The following HYAL4 variants were observed in gnomAD, a reference collection of about 807,000 sequenced individuals.
The protein encoded by HYAL4 is hyaluronidase-4.
Under a neutral mutation model 35.2 loss-of-function variants are expected in HYAL4, and 37 were observed. That is an observed-to-expected ratio of 1.05 (90% CI 0.81 to 1.38). The LOEUF (loss-of-function observed/expected upper bound fraction) is 1.38. HYAL4 is among the 40% of genes most tolerant of loss of function. HYAL4 has a pLI of 0.00. For synonymous variants in HYAL4, 198 were observed against 203.2 expected, an observed-to-expected ratio of 0.97 and a Z score of 0.22; for missense variants, 572 against 572.4, an observed-to-expected ratio of 1.00 and a Z score of 0.01.
the HYAL4 span, among the ~76,000 whole-genome samples, chr7:123,778,531 C>T: frequency 6.6e-6 from 1 of 151,256 alleles, no homozygotes; most frequent in Non-Finnish European, 1.5e-5. Context: ...GCGTGGGCCT[C>T]TTAAATTTAA....
intron 4 of HYAL4, among the ~76,000 whole-genome samples, chr7:123,875,098 T>C (rs890196464): frequency 2.6e-5 from 4 of 152,170 alleles, no homozygotes; most frequent in African/African-American, 9.7e-5. Context: ...TCGGATTTGC[T>C]CACTTACTGG....
intron 1 of HYAL4, among the ~76,000 whole-genome samples, chr7:123,835,745 T>G (rs1427435688): frequency 6.6e-6 from 1 of 152,204 alleles, no homozygotes; most frequent in Non-Finnish European, 1.5e-5. Flanking sequence ...GCACTGCCTT[T>G]GCTGTATCCC....
chr7:123,803,176 C>T, the HYAL4 span, among the ~76,000 whole-genome samples: 1 of 152,182 alleles, frequency 6.6e-6, no homozygotes, highest in Non-Finnish European at 1.5e-5. Context: ...CTAGTCCTAG[C>T]TACTTGGAGG....
At chr7:123,773,974 G>C in the HYAL4 span, among the ~76,000 whole-genome samples, 2 of 152,022 alleles carry the variant, frequency 1.3e-5, no homozygotes. Flanking sequence ...GGGGGTCAAG[G>C]GTGAGTGAGA....
At position 123,877,236 on chromosome 7, in the gene HYAL4, C is replaced by G; in HGVS notation, c.*81C>G. On this transcript the variant is annotated 3_prime_UTR_variant, in exon 5 of 5. Transcript: ENST00000223026. Reference sequence around the variant, plus strand: ...ATGTAACTTATAACATTTTTTTTCTCTTATGAATTCTATTGAGAGATATTA... The same window carrying G: ...ATGTAACTTATAACATTTTTTTTCTGTTATGAATTCTATTGAGAGATATTA... 1 of 1,315,692 alleles carries G rather than the reference C, an allele frequency of 7.6e-7. No homozygotes were observed. The highest frequency in any genetic ancestry group is 1.0e-6 in the Non-Finnish European group (1 of 954,500). 81.5% of individuals were successfully genotyped at this position (1,315,692 alleles called of 1,614,324 possible). A position where few individuals can be genotyped will look rare whatever the true frequency, so the allele number is the denominator to read the frequency against.
In HYAL4 at chr7:123,869,234, A is replaced by G; in HGVS notation, c.954+7A>G. The G allele has an allele frequency of 1.3e-6, 2 of 1,556,830 alleles. No homozygotes were observed. Among genetic ancestry groups the G allele is most frequent in the Non-Finnish European group, 8.7e-7 (1 of 1,144,812 alleles). The stretch of plus-strand genomic sequence containing the variant: ...TTTATTTTTCCTTTCTAAGGTAAGA[A>G]GCTTCTTGTCCAATGGTGGGGGATT... On this transcript the variant is annotated splice_region_variant and intron_variant, in intron 3 of 4. Transcript: ENST00000223026.
Position 123,877,275 on chromosome 7 carries a change from T to C in HYAL4, c.*120T>C, listed in dbSNP as rs1584931041. On this transcript the variant is annotated 3_prime_UTR_variant, in exon 5 of 5. Coordinates refer to ENST00000223026, the MANE Select transcript of HYAL4 (RefSeq NM_012269.3). Reference sequence around the variant, plus strand: ...TGAGAGATATTATAAGTAGACATTATGTATGTCACTTAACATAAACAGAAA... The same window carrying C: ...TGAGAGATATTATAAGTAGACATTACGTATGTCACTTAACATAAACAGAAA... The C allele has an allele frequency of 9.3e-6, 9 of 967,022 alleles. 1 individual carries two copies. The East Asian group carries it at 2.0e-4, about 22-fold the overall frequency. 59.9% of individuals were successfully genotyped at this position (967,022 alleles called of 1,614,324 possible).
chr7:123,848,479 T>G (rs1395861327), intron 2 of HYAL4, among the ~76,000 whole-genome samples: 1 of 152,242 alleles, frequency 6.6e-6, no homozygotes, highest in Non-Finnish European at 1.5e-5. Context: ...GCACATAGTT[T>G]CTGTGATTGC....
chr7:123,858,414 G>A (rs1806505364), intron 2 of HYAL4, among the ~76,000 whole-genome samples: 1 of 152,060 alleles, frequency 6.6e-6, no homozygotes, highest in Admixed American at 6.6e-5. Flanking sequence ...ACAAACTCAG[G>A]CATGACTTAA....
At chr7:123,771,380 G>T in the HYAL4 span, among the ~76,000 whole-genome samples, 1 of 152,034 alleles carries the variant, frequency 6.6e-6, no homozygotes, top group African/African-American at 2.4e-5. Context: ...TAGTACTAAT[G>T]ATATTTCAGA....
chr7:123,783,202 C>T, the HYAL4 span, among the ~76,000 whole-genome samples: 2 of 152,058 alleles, frequency 1.3e-5, no homozygotes, highest in African/African-American at 4.8e-5. Flanking sequence ...CACATCAAGC[C>T]CTGGGCTAGT....
the HYAL4 span, among the ~76,000 whole-genome samples, chr7:123,804,056 T>G: frequency 1.3e-5 from 2 of 152,156 alleles, no homozygotes; most frequent in Admixed American, 1.3e-4. Context: ...TATACTAGAG[T>G]TCACAATTTA....
the HYAL4 span, among the ~76,000 whole-genome samples, chr7:123,807,215 A>T: frequency 2.0e-5 from 3 of 152,128 alleles, no homozygotes; most frequent in Non-Finnish European, 4.4e-5. Context: ...AATACAGGCA[A>T]ACTTGAGCAA....
At chr7:123,785,322 A>T in the HYAL4 span, among the ~76,000 whole-genome samples, 1 of 152,168 alleles carries the variant, frequency 6.6e-6, no homozygotes, top group Non-Finnish European at 1.5e-5. The surrounding 1 kb of genome is among the most constrained non-coding windows in gnomAD (Gnocchi z 4.5). Context: ...TTGGGGCTCA[A>T]GTGGTTCTCC....
chr7:123,770,087 C>T, the HYAL4 span, among the ~76,000 whole-genome samples: 820 of 151,814 alleles, frequency 5.4e-3, 8 homozygotes, highest in African/African-American at 0.019. Flanking sequence ...CTTTATAAAA[C>T]GTTCACCTAC....
chr7:123,825,474 G>A (rs1805792185), upstream of HYAL4, among the ~76,000 whole-genome samples: 1 of 152,112 alleles, frequency 6.6e-6, no homozygotes, highest in African/African-American at 2.4e-5. Context: ...AGGAGGTAGT[G>A]AGATGGAGAG....
chr7:123,768,175 A>T, the HYAL4 span, among the ~76,000 whole-genome samples: 1 of 152,186 alleles, frequency 6.6e-6, no homozygotes, highest in Non-Finnish European at 1.5e-5. Context: ...CACTTCATCC[A>T]TCCAGAATCA....
the HYAL4 span, among the ~76,000 whole-genome samples, chr7:123,765,136 GAAA>G: frequency 6.6e-6 from 1 of 152,040 alleles, no homozygotes; most frequent in Non-Finnish European, 1.5e-5. Context: ...ATTTCTCAAA[GAAA>G]AATATATTTC....
At chr7:123,839,684 G>T (rs534887536) in intron 1 of HYAL4, among the ~76,000 whole-genome samples, 2 of 152,278 alleles carry the variant, frequency 1.3e-5, no homozygotes, top group East Asian at 3.9e-4. Context: ...ATTCTAACTG[G>T]TGTGAGATGG....
Sources: gnomAD v4.1 joint callset for allele counts (sites outside exome capture counted in the v4.1 genomes callset) on GRCh38, gnomAD v4.1.1 for gene constraint, Gnocchi (gnomAD v3.1) non-coding constraint, MANE v1.5 for transcripts, NCBI Gene and HGNC (gene_info 2026-07-23, HGNC 2026-07-21) for gene names.